The following ELMO1 variants were observed in gnomAD, a reference collection of about 807,000 sequenced individuals.
The protein encoded by ELMO1 is engulfment and cell motility 1.
In ELMO1, 26 loss-of-function variants were observed where a neutral mutation model predicts 98.9. That is an observed-to-expected ratio of 0.26 (90% CI 0.19 to 0.36). The LOEUF is 0.36. Ranked by LOEUF, ELMO1 falls within the 10% of genes least tolerant of loss-of-function variation. ELMO1 has a pLI of 1.00. For synonymous variants in ELMO1, 346 were observed against 346.0 expected (o/e 1.00, Z 0.00); for missense variants, 627 against 935.2 (o/e 0.67, Z 4.30).
At chr7:37,157,837 G>A (rs1414952404) in intron 13 of ELMO1, among the ~76,000 whole-genome samples, 8 of 152,108 alleles carry the variant, frequency 5.3e-5, no homozygotes, top group South Asian at 2.1e-4. Flanking sequence ...AAAAGAGCCT[G>A]CATGGCCAAG....
chr7:37,321,857 C>CCTTTTT (rs1001329073), intron 2 of ELMO1, among the ~76,000 whole-genome samples: 1 of 137,454 alleles, frequency 7.3e-6, no homozygotes, highest in Non-Finnish European at 1.6e-5. Flanking sequence ...AAGTAACTCC[C>CCTTTTT]TTTTTTTTTT....
chr7:37,085,447 G>A (rs1232243909), intron 15 of ELMO1, among the ~76,000 whole-genome samples: 1 of 152,008 alleles, frequency 6.6e-6, no homozygotes, highest in African/African-American at 2.4e-5. Flanking sequence ...GATTTCTGTT[G>A]TTTTACTTTA....
chr7:37,364,053 G>C (rs148890100), intron 1 of ELMO1, among the ~76,000 whole-genome samples: 182 of 152,228 alleles, frequency 1.2e-3, no homozygotes, highest in African/African-American at 4.2e-3. Flanking sequence ...CACTCTGCCA[G>C]GGCCTTAGGC....
At chr7:37,286,248 A>G (rs1797388482) in intron 4 of ELMO1, among the ~76,000 whole-genome samples, 1 of 152,194 alleles carries the variant, frequency 6.6e-6, no homozygotes, top group Non-Finnish European at 1.5e-5. Flanking sequence ...GGGATGGAGG[A>G]GTGGCCAAGC....
chr7:37,400,092 C>G (rs1352337348), intron 1 of ELMO1, among the ~76,000 whole-genome samples: 1 of 152,198 alleles, frequency 6.6e-6, no homozygotes, highest in Non-Finnish European at 1.5e-5. Flanking sequence ...TTTGATGTGT[C>G]ACTGTCTTCA....
chr7:37,138,184 C>T (rs1787386882), intron 13 of ELMO1, among the ~76,000 whole-genome samples: 1 of 151,346 alleles, frequency 6.6e-6, no homozygotes, highest in Non-Finnish European at 1.5e-5. Flanking sequence ...CCAAACCCAG[C>T]AGAAGAAAAG....
intron 13 of ELMO1, among the ~76,000 whole-genome samples, chr7:37,194,340 CA>C (rs1186417115): frequency 7.2e-5 from 11 of 152,186 alleles, no homozygotes; most frequent in Non-Finnish European, 1.6e-4. Context: ...GCAGAAAGAG[CA>C]ACCCAGCTTC....
chr7:36,962,888 G>C (rs1412177352), intron 16 of ELMO1, among the ~76,000 whole-genome samples: 1 of 151,914 alleles, frequency 6.6e-6, no homozygotes, highest in African/African-American at 2.4e-5. Flanking sequence ...TATTAGAAAA[G>C]TATTAAAGAA....
At chr7:37,159,686 G>A (rs547519251) in intron 13 of ELMO1, among the ~76,000 whole-genome samples, 4 of 152,082 alleles carry the variant, frequency 2.6e-5, no homozygotes, top group South Asian at 4.1e-4. Flanking sequence ...GTGACACAGC[G>A]AGACTCTGTC....
At chr7:37,398,356 T>C (rs555276468) in intron 1 of ELMO1, among the ~76,000 whole-genome samples, 1 of 152,176 alleles carries the variant, frequency 6.6e-6, no homozygotes, top group Non-Finnish European at 1.5e-5. Flanking sequence ...AAACCCAATC[T>C]ATATATTCAT....
At chr7:37,173,584 G>C (rs1790317016) in intron 13 of ELMO1, among the ~76,000 whole-genome samples, 1 of 152,182 alleles carries the variant, frequency 6.6e-6, no homozygotes, top group South Asian at 2.1e-4. Flanking sequence ...GAGCCTAAAG[G>C]GGTTTCAGCA....
intron 17 of ELMO1, among the ~76,000 whole-genome samples, chr7:36,891,863 GT>G (rs747804535): frequency 1.8e-4 from 27 of 152,138 alleles, no homozygotes; most frequent in Non-Finnish European, 2.9e-4. Context: ...TTTCACTGAT[GT>G]TTGTCTTTAC....
chr7:37,025,888 T>C (rs1794539627), intron 15 of ELMO1, among the ~76,000 whole-genome samples: 1 of 139,946 alleles, frequency 7.1e-6, no homozygotes, highest in Non-Finnish European at 1.5e-5. Context: ...AATATATATA[T>C]TATATATTCT....
At chr7:36,913,701 T>C (rs1176031383) in intron 16 of ELMO1, among the ~76,000 whole-genome samples, 1 of 152,142 alleles carries the variant, frequency 6.6e-6, no homozygotes, top group Non-Finnish European at 1.5e-5. Context: ...CAGAAGGTCA[T>C]GAGGAAAAGG....
intron 8 of ELMO1, among the ~76,000 whole-genome samples, chr7:37,227,368 T>C (rs1276778444): frequency 6.6e-6 from 1 of 152,170 alleles, no homozygotes; most frequent in Non-Finnish European, 1.5e-5. Flanking sequence ...CAATCAGAAC[T>C]CTCAGTGTTT....
chr7:36,902,515 G>A (rs1046016456), intron 16 of ELMO1, among the ~76,000 whole-genome samples: 13 of 152,186 alleles, frequency 8.5e-5, no homozygotes, highest in African/African-American at 2.7e-4. Context: ...CGAAGCTTAC[G>A]GGGCATCACA....
rs570645738 is a variant in ELMO1 at position 37,182,333 on chromosome 7, T to C, written c.1086+29053A>G. Among the ~76,000 whole-genome samples, 92 of 152,136 alleles carry C rather than the reference T, an allele frequency of 6.0e-4. 1 individual carries two copies. Among genetic ancestry groups the C allele is most frequent in the Admixed American group, 9.8e-4 (15 of 15,270 alleles). On this transcript the variant is annotated intron_variant, in intron 13 of 21. Transcript: ENST00000310758. Reference sequence around the variant, plus strand: ...GTGTAACAATCACAATCCCACCCCATTCACTTGCACTTAAATGTGCTCTTG... The same window carrying C: ...GTGTAACAATCACAATCCCACCCCACTCACTTGCACTTAAATGTGCTCTTG...
At chr7:36,963,388 T>C (rs1490202305) in intron 16 of ELMO1, among the ~76,000 whole-genome samples, 3 of 136,650 alleles carry the variant, frequency 2.2e-5, no homozygotes, top group Non-Finnish European at 4.6e-5. Context: ...AATAAATAAA[T>C]AAATAAATAA....
chr7:37,272,154 C>T (rs1220273584), intron 4 of ELMO1, among the ~76,000 whole-genome samples: 2 of 152,212 alleles, frequency 1.3e-5, no homozygotes, highest in Non-Finnish European at 1.5e-5. Flanking sequence ...TATGACCTGA[C>T]TCCTACATTT....
Sources: gnomAD v4.1 joint callset for allele counts (sites outside exome capture counted in the v4.1 genomes callset) on GRCh38, gnomAD v4.1.1 for gene constraint, MANE v1.5 for transcripts, NCBI Gene and HGNC (gene_info 2026-07-23, HGNC 2026-07-21) for gene names.